The following TUSC3 variants were observed in gnomAD, a reference collection of about 807,000 sequenced individuals.
The protein encoded by TUSC3 is tumor suppressor candidate 3, also known as dolichyl-diphosphooligosaccharide--protein glycosyltransferase subunit TUSC3.
A neutral mutation model predicts 44.8 loss-of-function variants in TUSC3; 45 were observed. The observed-to-expected ratio is 1.00, with a 90% CI of 0.79 to 1.29. The LOEUF is 1.29. TUSC3 is among the 50% of genes most tolerant of loss of function. The pLI is 0.00. For synonymous variants in TUSC3, 212 were observed against 152.9 expected (o/e 1.39, Z -2.85); for missense variants, 519 against 437.9 (o/e 1.19, Z -1.65).
chr8:15,802,938 A>G, the TUSC3 span, among the ~76,000 whole-genome samples: 3 of 152,200 alleles, frequency 2.0e-5, no homozygotes, highest in Admixed American at 6.5e-5. Context: ...GGTGTATACT[A>G]TGTCACCTGC....
intron 6 of TUSC3, among the ~76,000 whole-genome samples, chr8:15,700,849 CTTT>C (rs71211076): frequency 1.9e-4 from 17 of 90,518 alleles, no homozygotes; most frequent in Non-Finnish European, 2.2e-4. Flanking sequence ...ATGGCTGGAG[CTTT>C]TTTTTTTTTT....
intron 2 of TUSC3, among the ~76,000 whole-genome samples, chr8:15,523,767 A>G (rs972809637): frequency 1.4e-5 from 2 of 148,014 alleles, no homozygotes; most frequent in Non-Finnish European, 3.0e-5. Flanking sequence ...ATTAGAAAGT[A>G]AAAATAGAGG....
chr8:15,531,034 C>T (rs965410211), intron 2 of TUSC3, among the ~76,000 whole-genome samples: 2 of 152,254 alleles, frequency 1.3e-5, no homozygotes, highest in Non-Finnish European at 2.9e-5. Flanking sequence ...ATGTGTATAA[C>T]TCCAGTAAAC....
chr8:15,806,893 C>G, the TUSC3 span: 3 of 1,258,722 alleles, frequency 2.4e-6, no homozygotes, highest in Non-Finnish European at 3.5e-6. Context: ...GAAAGTAAGA[C>G]GCTTACATCT....
chr8:15,705,567 G>C (rs1481768546), intron 6 of TUSC3, among the ~76,000 whole-genome samples: 1 of 152,066 alleles, frequency 6.6e-6, no homozygotes, highest in Non-Finnish European at 1.5e-5. Flanking sequence ...CCTTTAAAAT[G>C]ATTCTTCACA....
intron 1 of TUSC3, among the ~76,000 whole-genome samples, chr8:15,574,256 TGTCTTA>T (rs1803003622): frequency 6.6e-6 from 1 of 152,128 alleles, no homozygotes; most frequent in African/African-American, 2.4e-5. Context: ...TCTCTCTCTT[TGTCTTA>T]ATCTATAGAG....
intron 1 of TUSC3, chr8:15,561,626 T>A (rs2129140143): frequency 6.5e-6 from 1 of 154,508 alleles, no homozygotes; most frequent in East Asian, 1.9e-4. Flanking sequence ...TGCAGTTTGA[T>A]CTCAGACTGC....
At chr8:15,804,017 C>T in the TUSC3 span, among the ~76,000 whole-genome samples, 626 of 152,246 alleles carry the variant, frequency 4.1e-3, 8 homozygotes, top group African/African-American at 0.015. Context: ...CATACGTGTG[C>T]ATGTGTCTTT....
At chr8:15,499,329 C>T (rs1252010728) in intron 2 of TUSC3, among the ~76,000 whole-genome samples, 1 of 152,170 alleles carries the variant, frequency 6.6e-6, no homozygotes, top group Non-Finnish European at 1.5e-5. Flanking sequence ...GCTTTTAAAT[C>T]AGTTTTGTCA....
chr8:15,678,973 A>G (rs935324281), intron 6 of TUSC3, among the ~76,000 whole-genome samples: 2 of 152,186 alleles, frequency 1.3e-5, no homozygotes, highest in African/African-American at 4.8e-5. Flanking sequence ...TCCTTGGTGT[A>G]TATGTACCGT....
chr8:15,778,212 T>A, the TUSC3 span, among the ~76,000 whole-genome samples: 1 of 152,142 alleles, frequency 6.6e-6, no homozygotes, highest in Admixed American at 6.6e-5. Flanking sequence ...CCCACCTGAT[T>A]TCCATAAAGA....
At chr8:15,835,819 A>G in the TUSC3 span, among the ~76,000 whole-genome samples, 5 of 150,832 alleles carry the variant, frequency 3.3e-5, no homozygotes, top group African/African-American at 1.2e-4. Context: ...TTTATAAATC[A>G]CTTATTTTTT....
chr8:15,700,470 C>A (rs1019035361), intron 6 of TUSC3, among the ~76,000 whole-genome samples: 8 of 152,016 alleles, frequency 5.3e-5, no homozygotes, highest in African/African-American at 1.9e-4. Flanking sequence ...AGAGCCTTTT[C>A]CTTAGGCTGG....
the TUSC3 span, among the ~76,000 whole-genome samples, chr8:15,789,023 C>T: frequency 1.3e-5 from 2 of 152,336 alleles, no homozygotes; most frequent in African/African-American, 4.8e-5. Flanking sequence ...TCAGGCTTAG[C>T]TTCACATATG....
chr8:15,455,430 C>T (rs1170884539), intron 1 of TUSC3, among the ~76,000 whole-genome samples: 3 of 151,914 alleles, frequency 2.0e-5, no homozygotes, highest in Non-Finnish European at 4.4e-5. Flanking sequence ...CCTATGTATA[C>T]ACGTATATGT....
chr8:15,442,795 C>G (rs1426933225), intron 1 of TUSC3, among the ~76,000 whole-genome samples: 1 of 152,110 alleles, frequency 6.6e-6, no homozygotes, highest in Non-Finnish European at 1.5e-5. Context: ...TAGTCAGGCT[C>G]CTCTGAGTCC....
intron 10 of TUSC3, 22 bp downstream of exon 10, chr8:15,757,877 G>C (rs1345673700): frequency 2.1e-6 from 3 of 1,402,012 alleles, no homozygotes; most frequent in Non-Finnish European, 3.0e-6. Context: ...AATCTTCTCT[G>C]AGCCTCAGTT....
At chr8:15,554,544 A>G (rs1802169749) in intron 1 of TUSC3, among the ~76,000 whole-genome samples, 2 of 149,792 alleles carry the variant, frequency 1.3e-5, no homozygotes, top group South Asian at 2.1e-4. Flanking sequence ...TTAGTGCACT[A>G]TAGTCTAACC....
chr8:15,676,720 A>G (rs1808205731), intron 6 of TUSC3, among the ~76,000 whole-genome samples: 1 of 152,208 alleles, frequency 6.6e-6, no homozygotes, highest in Non-Finnish European at 1.5e-5. Flanking sequence ...TACAAAGGAC[A>G]GCCTCCTATA....
Sources: gnomAD v4.1 joint callset for allele counts (sites outside exome capture counted in the v4.1 genomes callset) on GRCh38, gnomAD v4.1.1 for gene constraint, MANE v1.5 for transcripts, NCBI Gene and HGNC (gene_info 2026-07-23, HGNC 2026-07-21) for gene names.